Variants in WDR70 observed in about 807,000 individuals in gnomAD.
WDR70 encodes the protein WD repeat domain 70.
A neutral mutation model predicts 88.6 loss-of-function variants in WDR70; 53 were observed. The observed-to-expected ratio is 0.60, with a 90% CI of 0.48 to 0.75. The LOEUF (loss-of-function observed/expected upper bound fraction) is 0.75. WDR70 is among the 30% of genes least tolerant of loss of function. The pLI is 0.00. For missense variants in WDR70, 610 were observed against 823.2 expected, an observed-to-expected ratio of 0.74 and a Z score of 3.17; for synonymous variants, 280 against 270.0, an observed-to-expected ratio of 1.04 and a Z score of -0.36.
intron 5 of WDR70, among the ~76,000 whole-genome samples, 175 bp downstream of exon 5, chr5:37,396,745 C>T (rs374136831): frequency 2.0e-5 from 3 of 152,100 alleles, no homozygotes; most frequent in Non-Finnish European, 4.4e-5. Context: ...GCAGGAGAAT[C>T]GCTTGAACCT....
chr5:37,469,780 C>A (rs1037414378), intron 7 of WDR70, among the ~76,000 whole-genome samples: 1 of 152,144 alleles, frequency 6.6e-6, no homozygotes, highest in African/African-American at 2.4e-5. Flanking sequence ...TTCTGTGTGA[C>A]CCCATTTGAC....
chr5:37,750,972 G>A (rs1451275661), intron 17 of WDR70, among the ~76,000 whole-genome samples: 5 of 152,148 alleles, frequency 3.3e-5, no homozygotes, highest in Non-Finnish European at 1.5e-5. Flanking sequence ...CAAGAAACTA[G>A]CATTGCAATT....
chr5:37,432,706 C>T (rs539464496), intron 5 of WDR70, among the ~76,000 whole-genome samples: 18 of 150,968 alleles, frequency 1.2e-4, no homozygotes, highest in African/African-American at 3.9e-4. Context: ...TTTGAGCCAC[C>T]GCGCCCGGCC....
At chr5:37,474,769 C>T (rs1739427367) in intron 7 of WDR70, among the ~76,000 whole-genome samples, 1 of 152,070 alleles carries the variant, frequency 6.6e-6, no homozygotes, top group South Asian at 2.1e-4. Context: ...TGTGTTGTTC[C>T]CCCACATGTG....
At chr5:37,724,308 CT>C (rs1432480375) in intron 15 of WDR70, 1 of 152,010 alleles carries the variant, frequency 6.6e-6, no homozygotes, top group African/African-American at 2.4e-5. Context: ...ACGCATATTA[CT>C]TTGGTTTTTA....
At chr5:37,725,345 G>C (rs186942243) in intron 16 of WDR70, among the ~76,000 whole-genome samples, 1 of 151,942 alleles carries the variant, frequency 6.6e-6, no homozygotes, top group Non-Finnish European at 1.5e-5. Flanking sequence ...CGGGGGCTCA[G>C]TGGACCTTGG....
At chr5:37,449,601 AAATAAAAAATAAAAAAT>A (rs1352578774) in intron 7 of WDR70, among the ~76,000 whole-genome samples, 1 of 81,964 alleles carries the variant, frequency 1.2e-5, no homozygotes, top group African/African-American at 5.1e-5. Flanking sequence ...AAAAAAAAAA[AAATAAAAAATAAAAAAT>A]AAATAAATAA....
At chr5:37,488,692 T>G (rs1267058135) in intron 8 of WDR70, among the ~76,000 whole-genome samples, 1 of 152,156 alleles carries the variant, frequency 6.6e-6, no homozygotes, top group East Asian at 1.9e-4. Context: ...ATATCCCAAA[T>G]TGTTTTTCTG....
intron 8 of WDR70, 47 bp downstream of exon 8, chr5:37,480,034 T>C: frequency 6.4e-7 from 1 of 1,563,472 alleles, no homozygotes; most frequent in East Asian, 2.3e-5. Context: ...AGCACACATT[T>C]ATTAACAACT....
intron 5 of WDR70, among the ~76,000 whole-genome samples, chr5:37,431,341 T>A (rs547544102): frequency 6.6e-6 from 1 of 152,306 alleles, no homozygotes; most frequent in East Asian, 1.9e-4. Context: ...CTTTATTTCT[T>A]CACATCTTAA....
intron 10 of WDR70, among the ~76,000 whole-genome samples, chr5:37,637,798 C>T (rs1745012657): frequency 6.6e-6 from 1 of 152,216 alleles, no homozygotes; most frequent in Admixed American, 6.5e-5. Flanking sequence ...TGCTCACTTT[C>T]CTGGCCTCTT....
At chr5:37,390,257 T>TA (rs1368593780) in intron 3 of WDR70, among the ~76,000 whole-genome samples, 43 of 151,348 alleles carry the variant, frequency 2.8e-4, no homozygotes, top group East Asian at 5.8e-4. Context: ...GTTTTTTTTT[T>TA]AAATATAGTG....
chr5:37,620,514 T>C (rs910556294), intron 10 of WDR70, among the ~76,000 whole-genome samples: 6 of 152,204 alleles, frequency 3.9e-5, no homozygotes, highest in African/African-American at 1.4e-4. Flanking sequence ...AATTACATTT[T>C]ATATTGTGAC....
intron 11 of WDR70, among the ~76,000 whole-genome samples, chr5:37,700,137 A>G (rs1349427946): frequency 6.6e-6 from 1 of 152,130 alleles, no homozygotes; most frequent in East Asian, 1.9e-4. Flanking sequence ...GGGGATTTTT[A>G]CTGAACTCTT....
intron 10 of WDR70, among the ~76,000 whole-genome samples, chr5:37,649,269 G>A (rs1023613144): frequency 1.3e-5 from 2 of 151,934 alleles, no homozygotes; most frequent in South Asian, 2.1e-4. Context: ...TAGACCAAAG[G>A]ATTTTCACTG....
chr5:37,438,817 A>G (rs987271456), intron 6 of WDR70, among the ~76,000 whole-genome samples: 1 of 152,128 alleles, frequency 6.6e-6, no homozygotes, highest in African/African-American at 2.4e-5. Flanking sequence ...AATGAAATGG[A>G]AAAGATGTAA....
chr5:37,687,949 C>T (rs1746662972), intron 10 of WDR70: 1 of 693,492 alleles, frequency 1.4e-6, no homozygotes, highest in Non-Finnish European at 2.6e-6. Flanking sequence ...TGTCTGCATG[C>T]TCTGGGCTCA....
chr5:37,717,360 T>C (rs1353187771), intron 13 of WDR70, among the ~76,000 whole-genome samples: 1 of 152,242 alleles, frequency 6.6e-6, no homozygotes, highest in Non-Finnish European at 1.5e-5. Flanking sequence ...TCTCATGATA[T>C]AATGTGAGGG....
intron 17 of WDR70, among the ~76,000 whole-genome samples, chr5:37,728,364 CA>C (rs5867361): frequency 0.73 from 97,565 of 133,892 alleles, 35,907 homozygotes; most frequent in East Asian, 0.87. Flanking sequence ...AAAAAAAAAA[CA>C]AAAAAAAAAA....
Sources: allele counts gnomAD v4.1 joint callset (sites outside exome capture counted in the v4.1 genomes callset), GRCh38; gene constraint gnomAD v4.1.1; transcripts MANE v1.5; gene names NCBI Gene and HGNC (gene_info 2026-07-23, HGNC 2026-07-21).